SREK1IP1: variants seen among roughly 807,000 people sequenced by gnomAD.
The protein encoded by SREK1IP1 is protein SREK1IP1.
In SREK1IP1, 12 loss-of-function variants were observed where a neutral mutation model predicts 22.8. That is an observed-to-expected ratio of 0.53 (90% CI 0.34 to 0.85). The LOEUF is 0.85. SREK1IP1 is among the 40% of genes least tolerant of loss of function. SREK1IP1 has a pLI of 0.02. For missense variants in SREK1IP1, 147 were observed against 171.8 expected, an observed-to-expected ratio of 0.86 and a Z score of 0.81; for synonymous variants, 53 against 52.7, an observed-to-expected ratio of 1.01 and a Z score of -0.02.
intron 1 of SREK1IP1, among the ~76,000 whole-genome samples, chr5:64,762,785 C>T (rs1742972838): frequency 6.6e-6 from 1 of 152,130 alleles, no homozygotes; most frequent in Non-Finnish European, 1.5e-5. Context: ...GGTGTGGTGG[C>T]TCACACCTGT....
intron 1 of SREK1IP1, among the ~76,000 whole-genome samples, chr5:64,758,361 G>A (rs112831359): frequency 0.054 from 8,238 of 152,190 alleles, 747 homozygotes; most frequent in African/African-American, 0.19. Context: ...TAGAGACGGG[G>A]TTTCACCATG....
chr5:64,743,699 A>G (rs1222765395), intron 2 of SREK1IP1, among the ~76,000 whole-genome samples: 1 of 152,090 alleles, frequency 6.6e-6, no homozygotes, highest in Admixed American at 6.5e-5. Context: ...TGTAACACAG[A>G]TTTTGCTATA....
intron 2 of SREK1IP1, among the ~76,000 whole-genome samples, chr5:64,742,615 G>A (rs1197667483): frequency 1.3e-5 from 2 of 152,104 alleles, no homozygotes; most frequent in African/African-American, 4.8e-5. Flanking sequence ...GTTTATACCA[G>A]AGACTCTCTA....
intron 1 of SREK1IP1, 46 bp downstream of exon 1, chr5:64,768,459 G>A (rs552716370): frequency 1.2e-6 from 2 of 1,613,766 alleles, no homozygotes; most frequent in East Asian, 2.2e-5. Context: ...CCTCCCTTGC[G>A]CTCCCTTCGG....
At chr5:64,745,848 G>C (rs1431626549) in intron 2 of SREK1IP1, among the ~76,000 whole-genome samples, 1 of 151,924 alleles carries the variant, frequency 6.6e-6, no homozygotes, top group African/African-American at 2.4e-5. Context: ...GAATAAGTTA[G>C]TGAAGCCTAG....
chr5:64,728,591 G>C (rs1357530386), intron 3 of SREK1IP1, among the ~76,000 whole-genome samples: 1 of 152,080 alleles, frequency 6.6e-6, no homozygotes, highest in Non-Finnish European at 1.5e-5. Context: ...TATTTGGTGT[G>C]TATTCTTGTA....
At chr5:64,756,871 C>T (rs1361606001) in intron 1 of SREK1IP1, among the ~76,000 whole-genome samples, 2 of 152,138 alleles carry the variant, frequency 1.3e-5, no homozygotes, top group African/African-American at 2.4e-5. Flanking sequence ...CATGATCCGC[C>T]TGCCTTAGCT....
chr5:64,741,225 G>T (rs1162623571), intron 2 of SREK1IP1, 25 bp from the exon 3 acceptor site: 1 of 1,595,648 alleles, frequency 6.3e-7, no homozygotes, highest in Admixed American at 1.7e-5. Flanking sequence ...CAAAAAAAAT[G>T]TGAGTGATAA....
At chr5:64,736,359 G>C (rs1461349620) in intron 3 of SREK1IP1, among the ~76,000 whole-genome samples, 1 of 152,106 alleles carries the variant, frequency 6.6e-6, no homozygotes, top group Non-Finnish European at 1.5e-5. Context: ...AAGGTGTTGA[G>C]ATCGCTGGCT....
rs1006925031 is a variant in SREK1IP1, at chr5:64,724,161, T to C, written c.*223A>G. The stretch of plus-strand genomic sequence containing the variant: ...TGTGTTTAGTATACACAAATAGCTA[T>C]ACTTGGGGCATGGCTATCAAGTAAC... On this transcript the variant is annotated 3_prime_UTR_variant, in exon 5 of 5. Transcript: ENST00000513458. 9 of 398,896 alleles carry C rather than the reference T, an allele frequency of 2.3e-5. No individual in the cohort carries two copies. The highest frequency in any genetic ancestry group is 6.6e-4 in the Middle Eastern group (1 of 1,512). 24.7% of individuals were successfully genotyped at this position (398,896 alleles called of 1,614,324 possible). A position where few individuals can be genotyped will look rare whatever the true frequency, so the allele number is the denominator to read the frequency against.
At chr5:64,744,153 A>G (rs909318859) in intron 2 of SREK1IP1, among the ~76,000 whole-genome samples, 3 of 152,110 alleles carry the variant, frequency 2.0e-5, no homozygotes, top group Admixed American at 6.5e-5. Flanking sequence ...TCAGGTGAAC[A>G]TGTGTACAAC....
chr5:64,724,372 C>A lies in SREK1IP1; in HGVS notation c.*12G>T, dbSNP rs775461266. On this transcript the variant is annotated 3_prime_UTR_variant, in exon 5 of 5. Coordinates refer to ENST00000513458, the MANE Select transcript of SREK1IP1 (RefSeq NM_173829.4). The stretch of plus-strand genomic sequence containing the variant: ...AAATTTTTAAATTTAACGGCTTAAG[C>A]CAAAGTCTCAGTTACTTTCTGGAGA... 1.5e-5 allele frequency: 22 copies of A among 1,516,956 alleles called. No individual in the cohort carries two copies. Among genetic ancestry groups the A allele is most frequent in the Admixed American group, 2.3e-5 (1 of 43,258 alleles). 94.0% of individuals were successfully genotyped at this position (1,516,956 alleles called of 1,614,324 possible). A position where few individuals can be genotyped will look rare whatever the true frequency, so the allele number is the denominator to read the frequency against.
chr5:64,730,817 A>G (rs777742431), intron 3 of SREK1IP1, among the ~76,000 whole-genome samples: 61 of 152,220 alleles, frequency 4.0e-4, no homozygotes, highest in Middle Eastern at 3.2e-3. Flanking sequence ...TCACCTTTGC[A>G]CTGCTGTAAG....
rs1209704123 is a variant in SREK1IP1, at chr5:64,718,149, T to C, written c.*6235A>G. The C allele has an allele frequency of 7.2e-6, 5 of 694,004 alleles. No homozygotes were observed. The highest frequency in any genetic ancestry group is 1.1e-5 in the Non-Finnish European group (5 of 465,266). The allele number at this position is 694,004 out of a possible 1,614,324, so 43.0% of individuals were successfully genotyped here. A position where few individuals can be genotyped will look rare whatever the true frequency, so the allele number is the denominator to read the frequency against. ...CTCACAAAGCAAGACACAGCTGCAT[T>C]TTTGATCATTCAGTTACTTTATTAA... On this transcript the variant is annotated 3_prime_UTR_variant, in exon 5 of 5. Coordinates refer to ENST00000513458, the MANE Select transcript of SREK1IP1 (RefSeq NM_173829.4).
chr5:64,742,379 A>T (rs771406416), intron 2 of SREK1IP1, among the ~76,000 whole-genome samples: 1 of 152,190 alleles, frequency 6.6e-6, no homozygotes, highest in African/African-American at 2.4e-5. Context: ...AAAATAATGC[A>T]AACAAGTGCA....
chr5:64,754,402 T>C (rs1331366776), intron 1 of SREK1IP1, 40 bp from the exon 2 acceptor site: 2 of 1,586,846 alleles, frequency 1.3e-6, no homozygotes, highest in Admixed American at 3.4e-5. Flanking sequence ...AGTAAATAAA[T>C]ATGCGAAAAC....
intron 3 of SREK1IP1, 82 bp downstream of exon 3, chr5:64,740,975 T>C: frequency 7.9e-7 from 1 of 1,258,056 alleles, no homozygotes; most frequent in Non-Finnish European, 1.1e-6. Context: ...AAAGAGATCT[T>C]AGTAAGTATA....
intron 3 of SREK1IP1, among the ~76,000 whole-genome samples, chr5:64,736,899 A>G (rs554008065): frequency 1.3e-5 from 2 of 148,982 alleles, no homozygotes; most frequent in East Asian, 3.9e-4. Flanking sequence ...CTTTCCTTTT[A>G]GTAGTTGTCT....
rs193242647 is a variant in SREK1IP1, at chr5:64,740,780, A to G, written c.205+277T>C. ...GACTAGAAACCAAATCTTAAATCAC[A>G]CTTTTTCAGCCATTTGACACATATC... On this transcript the variant is annotated intron_variant, in intron 3 of 4. Coordinates refer to ENST00000513458, the MANE Select transcript of SREK1IP1 (RefSeq NM_173829.4). Among the ~76,000 whole-genome samples, 251 of 152,274 alleles carry G rather than the reference A, an allele frequency of 1.6e-3. 1 individual carries two copies. The Middle Eastern group carries it at 0.017, about 10-fold the overall frequency.
Sources: allele counts gnomAD v4.1 joint callset (sites outside exome capture counted in the v4.1 genomes callset), GRCh38; gene constraint gnomAD v4.1.1; transcripts MANE v1.5; gene names NCBI Gene and HGNC (gene_info 2026-07-23, HGNC 2026-07-21).